CCDC3: variants seen among roughly 807,000 people sequenced by gnomAD.
CCDC3 encodes coiled-coil domain-containing protein 3.
In CCDC3, 24 loss-of-function variants were observed where a neutral mutation model predicts 21.4. The ratio of observed to expected loss-of-function variants is 1.12; its 90% CI spans 0.81 to 1.58. The LOEUF (loss-of-function observed/expected upper bound fraction) is 1.58. CCDC3 is among the 40% of genes most tolerant of loss of function. CCDC3 has a pLI of 0.00. For synonymous variants in CCDC3, 186 were observed against 166.0 expected, an observed-to-expected ratio of 1.12 and a Z score of -0.93; for missense variants, 425 against 360.9, an observed-to-expected ratio of 1.18 and a Z score of -1.44.
At chr10:13,088,730 A>C (rs1437368553) in intron 3 of CCDC3, among the ~76,000 whole-genome samples, 1 of 152,206 alleles carries the variant, frequency 6.6e-6, no homozygotes, top group Non-Finnish European at 1.5e-5. Context: ...TTAAAAAATT[A>C]ACTGAATATT....
At chr10:13,085,785 G>T (rs2131450858) in intron 3 of CCDC3, among the ~76,000 whole-genome samples, 1 of 152,264 alleles carries the variant, frequency 6.6e-6, no homozygotes, top group East Asian at 1.9e-4. Flanking sequence ...TGGCCAACAT[G>T]GCGAAACCCC....
intron 2 of CCDC3, among the ~76,000 whole-genome samples, chr10:12,981,093 G>C (rs946117474): frequency 3.3e-5 from 5 of 150,728 alleles, no homozygotes; most frequent in Non-Finnish European, 4.4e-5. Flanking sequence ...GGCTGGTCTT[G>C]AACTCCTGGC....
At chr10:13,063,978 A>G (rs1836793778) in intron 4 of CCDC3, among the ~76,000 whole-genome samples, 2 of 151,366 alleles carry the variant, frequency 1.3e-5, no homozygotes, top group Non-Finnish European at 2.9e-5. Flanking sequence ...GTCACGCTGG[A>G]GTGCAATGGT....
At chr10:12,925,413 C>T (rs1731703176) in intron 2 of CCDC3, among the ~76,000 whole-genome samples, 3 of 152,162 alleles carry the variant, frequency 2.0e-5, no homozygotes, top group African/African-American at 7.2e-5. Flanking sequence ...AAACTGACAC[C>T]TCTTGAGTTG....
chr10:13,090,921 G>C (rs77942900), intron 3 of CCDC3, among the ~76,000 whole-genome samples: 2 of 152,176 alleles, frequency 1.3e-5, no homozygotes, highest in African/African-American at 2.4e-5. Context: ...CAAAAGTAGG[G>C]AAGCTGACAG....
intron 2 of CCDC3, among the ~76,000 whole-genome samples, chr10:12,983,373 G>A (rs569609131): frequency 6.5e-4 from 99 of 151,384 alleles, no homozygotes; most frequent in African/African-American, 2.2e-3. Context: ...AGAAGTTCGA[G>A]ACCAGCCTGG....
At chr10:13,041,933 G>A (rs985483291) in intron 5 of CCDC3, among the ~76,000 whole-genome samples, 1 of 152,180 alleles carries the variant, frequency 6.6e-6, no homozygotes, top group South Asian at 2.1e-4. Flanking sequence ...AGCCCTGGCA[G>A]AGAATCTTGA....
chr10:12,969,668 TA>T (rs944729097), intron 2 of CCDC3, among the ~76,000 whole-genome samples: 9 of 149,810 alleles, frequency 6.0e-5, no homozygotes, highest in African/African-American at 2.2e-4. Flanking sequence ...TATTCATTCT[TA>T]AAAAAATTTT....
At chr10:12,943,901 A>T (rs1834874952) in intron 2 of CCDC3, among the ~76,000 whole-genome samples, 2 of 152,150 alleles carry the variant, frequency 1.3e-5, no homozygotes, top group Admixed American at 6.5e-5. Context: ...TTGGCATGAG[A>T]TGACGAATCT....
chr10:12,921,276 T>G (rs534812960), intron 2 of CCDC3, among the ~76,000 whole-genome samples: 4 of 152,204 alleles, frequency 2.6e-5, no homozygotes, highest in Non-Finnish European at 5.9e-5. Flanking sequence ...CAAATTCCAT[T>G]CTAGTCTGCA....
In CCDC3 at chr10:13,052,948, A is replaced by T. The variant is rs1334720313; in HGVS notation, c.-269-3007T>A. Among the ~76,000 whole-genome samples the T allele has an allele frequency of 3.8e-5, 4 of 105,820 alleles. No homozygotes were observed. In the East Asian group the frequency reaches 8.2e-4, roughly 22 times the overall value. The allele number at this position is 105,820 out of a possible 152,430, so 69.4% of individuals were successfully genotyped here. ...TAGATTGAGACTCTGTCACACACAC[A>T]CACACACACACACACACACACACAC... On this transcript the variant is annotated intron_variant, in intron 4 of 6. Coordinates refer to the CCDC3 transcript ENST00000378839.
At chr10:12,930,733 GCTA>G (rs1356892259) in intron 2 of CCDC3, among the ~76,000 whole-genome samples, 1 of 152,142 alleles carries the variant, frequency 6.6e-6, no homozygotes, top group Non-Finnish European at 1.5e-5. Context: ...GACCAAAGAT[GCTA>G]CTAACCATCC....
chr10:12,936,057 T>TCAGATGCC (rs1834732594), intron 2 of CCDC3, among the ~76,000 whole-genome samples: 1 of 152,234 alleles, frequency 6.6e-6, no homozygotes, highest in Non-Finnish European at 1.5e-5. Context: ...TTACTCATTC[T>TCAGATGCC]CAGATGCCCA....
intron 2 of CCDC3, among the ~76,000 whole-genome samples, chr10:12,902,795 AG>A (rs1834114032): frequency 1.3e-5 from 2 of 149,812 alleles, no homozygotes. Flanking sequence ...TCTCCAGGCT[AG>A]CAAGAGGATG....
chr10:12,934,064 A>G (rs1217406055), intron 2 of CCDC3, among the ~76,000 whole-genome samples: 3 of 152,220 alleles, frequency 2.0e-5, no homozygotes, highest in Non-Finnish European at 4.4e-5. Context: ...CTTTCCTAAT[A>G]TATGCATTTC....
At chr10:12,954,200 G>A (rs761933569) in intron 2 of CCDC3, among the ~76,000 whole-genome samples, 7 of 152,192 alleles carry the variant, frequency 4.6e-5, no homozygotes, top group Non-Finnish European at 7.3e-5. Flanking sequence ...GAGAAATTAT[G>A]CTATGCAATG....
chr10:12,932,248 A>G (rs1340861963), intron 2 of CCDC3, among the ~76,000 whole-genome samples: 2 of 152,226 alleles, frequency 1.3e-5, no homozygotes, highest in African/African-American at 4.8e-5. Flanking sequence ...TTCTTGACCT[A>G]TGATGGGTTT....
At chr10:12,968,090 A>G (rs563812328) in intron 2 of CCDC3, among the ~76,000 whole-genome samples, 1 of 152,100 alleles carries the variant, frequency 6.6e-6, no homozygotes, top group South Asian at 2.1e-4. Context: ...AATCATTTGA[A>G]GCTGGAAGGC....
chr10:12,917,088 C>A (rs1834368835), intron 2 of CCDC3, among the ~76,000 whole-genome samples: 1 of 151,578 alleles, frequency 6.6e-6, no homozygotes, highest in Middle Eastern at 3.2e-3. Context: ...AGCTCACTTC[C>A]CTTACCTTCC....
Sources: gnomAD v4.1 joint callset for allele counts (sites outside exome capture counted in the v4.1 genomes callset) on GRCh38, gnomAD v4.1.1 for gene constraint, MANE v1.5 for transcripts, NCBI Gene and HGNC (gene_info 2026-07-23, HGNC 2026-07-21) for gene names.